CARNS1: variants seen among roughly 807,000 people sequenced by gnomAD.
CARNS1 encodes ATP-grasp domain containing 1.
In CARNS1, 61 loss-of-function variants were observed where a neutral mutation model predicts 74.0. The ratio of observed to expected loss-of-function variants is 0.82; its 90% CI spans 0.67 to 1.02. The LOEUF (loss-of-function observed/expected upper bound fraction) is 1.02. Among genes scored for constraint, CARNS1 ranks in the 50% least tolerant of loss-of-function variants. The pLI is 0.00. For synonymous variants in CARNS1, 568 were observed against 605.5 expected, an observed-to-expected ratio of 0.94 and a Z score of 0.91; for missense variants, 1,278 against 1,308.4, an observed-to-expected ratio of 0.98 and a Z score of 0.36.
chr11:67,423,050 C>T lies in CARNS1; in HGVS notation c.1627-325C>T, dbSNP rs531472188. 2.0e-5 allele frequency among the ~76,000 whole-genome samples: 3 copies of T among 152,316 alleles called. No homozygotes were observed. Among genetic ancestry groups the T allele is most frequent in the African/African-American group, 4.8e-5 (2 of 41,564 alleles). Reference sequence around the variant, plus strand: ...GCTGCCTGTGGGAAAGAGTCCACCACGCTCTCTCACACCCTCTTCTCTGTG... The same window carrying T: ...GCTGCCTGTGGGAAAGAGTCCACCATGCTCTCTCACACCCTCTTCTCTGTG... On this transcript the variant is annotated intron_variant, in intron 9 of 9. Coordinates refer to ENST00000687366, the MANE Select transcript of CARNS1 (RefSeq NM_001166222.2). This position sits in a 1 kb window ranked among gnomAD's most constrained non-coding sequence, Gnocchi z 5.1.
At position 67,423,292 on chromosome 11, in the gene CARNS1, A is replaced by AG. The variant is rs1323730707; in HGVS notation, c.1627-79dup. 5.1e-6 allele frequency: 7 copies of AG among 1,383,336 alleles called. No homozygotes were observed. The highest frequency in any genetic ancestry group is 6.9e-6 in the Non-Finnish European group (7 of 1,010,280). 85.7% of individuals were successfully genotyped at this position (1,383,336 alleles called of 1,614,324 possible). Reference sequence around the variant, plus strand: ...GTGTTTGTGTACTCGTATCCCCTGAAGGGGCCATCCTAGGCCCCATCCTAT... The same window carrying AG: ...GTGTTTGTGTACTCGTATCCCCTGAAGGGGGCCATCCTAGGCCCCATCCTAT... On this transcript the variant is annotated intron_variant, in intron 9 of 9. Transcript: ENST00000687366. This position sits in a 1 kb window ranked among gnomAD's most constrained non-coding sequence, Gnocchi z 5.1.
intron 9 of CARNS1, among the ~76,000 whole-genome samples, chr11:67,422,968 A>T (rs1281292881): frequency 6.6e-6 from 1 of 152,202 alleles, no homozygotes; most frequent in Non-Finnish European, 1.5e-5. Context: ...ATTGTGACCA[A>T]ACCACTTGTC....
At position 67,421,234 on chromosome 11, in the gene CARNS1, G is replaced by C. The variant is rs755581278; in HGVS notation, c.1626+15G>C. ...ACGGGCTCCAGGTGGGCGGGGCGCG[G>C]GGCGGGGCTGGGCCCCAGGTCCTGG... On this transcript the variant is annotated intron_variant, in intron 9 of 9. Coordinates refer to ENST00000687366, the MANE Select transcript of CARNS1 (RefSeq NM_001166222.2). 14 of 1,471,906 alleles carry C rather than the reference G, an allele frequency of 9.5e-6. No homozygotes were observed. The East Asian group carries it at 2.9e-4, about 31-fold the overall frequency. 91.2% of individuals were successfully genotyped at this position (1,471,906 alleles called of 1,614,324 possible).
intron 9 of CARNS1, among the ~76,000 whole-genome samples, chr11:67,422,565 G>A (rs140782283): frequency 3.3e-5 from 5 of 152,176 alleles, no homozygotes; most frequent in East Asian, 1.9e-4. Flanking sequence ...GAGCTCAAGC[G>A]ATCCTCCTGC....
rs1439046786 is a variant in CARNS1, at chr11:67,419,800, G to A, written c.1075G>A (p.Val359Met). 1.2e-6 allele frequency: 2 copies of A among 1,601,162 alleles called. No individual in the cohort carries two copies. The change falls in exon 7 of 10, where the codon GTG becomes ATG. Residue 359 changes from valine to methionine, a missense_variant. This residue lies in a region of CARNS1 where 1,164 missense variants were observed against 1,156.5 expected (regional missense o/e 1.01). Coordinates refer to ENST00000687366, the MANE Select transcript of CARNS1 (RefSeq NM_001166222.2). Reference protein sequence around the residue: ...PGLAVRICAVVCRTQGDRPLL... With the variant: ...PGLAVRICAVMCRTQGDRPLL... ...CCTGGCCGTGCGAATCTGTGCTGTG[G>A]TGTGTCGGACACAGGGTGATAGGCC...
chr11:67,416,705 G>C (rs574114934), intron 2 of CARNS1: 2 of 986,804 alleles, frequency 2.0e-6, no homozygotes, highest in African/African-American at 3.5e-5. Flanking sequence ...GGACTGCAAA[G>C]AACAAGAATT....
At position 67,424,035 on chromosome 11, in the gene CARNS1, AC is replaced by A; in HGVS notation, c.2288del (p.Thr763ArgfsTer41). ...TACGAGGCTGCCTGGCTTCACTGAG[AC>A]GGCGGCCTGCATGCCCACCGGGCTG... ...GPTRLPGFTETAACMPTGLAP... is the reference protein window; with the variant it reads ...GPTRLPGFTEXAACMPTGLAP... On this transcript the variant is annotated frameshift_variant, in exon 10 of 10. Coordinates refer to ENST00000687366, the MANE Select transcript of CARNS1 (RefSeq NM_001166222.2). LOFTEE classifies it high-confidence loss of function. 2 of 1,612,482 alleles carry A rather than the reference AC, an allele frequency of 1.2e-6. No individual in the cohort carries two copies. The highest frequency in any genetic ancestry group is 1.7e-6 in the Non-Finnish European group (2 of 1,179,680).
chr11:67,418,520 G>A lies in CARNS1; in HGVS notation c.364G>A (p.Gly122Arg). Residue 122 changes from glycine (G) to arginine (R), a missense_variant and splice_region_variant, in exon 4 of 10, where the codon GGA becomes AGA. Transcript: ENST00000687366. The stretch of plus-strand genomic sequence containing the variant: ...GCTGGAGGGTGGGGTCCAGAGCCCG[G>A]GTGAGTGTATGCTCAAGTTTCCCCA... ...VLLEGGVQSP[G>R]NMLLCLSPAW... 6.5e-7 allele frequency: 1 copy of A among 1,527,670 alleles called. No individual in the cohort carries two copies. Among genetic ancestry groups the A allele is most frequent in the South Asian group, 1.2e-5 (1 of 83,398 alleles). 94.6% of individuals were successfully genotyped at this position (1,527,670 alleles called of 1,614,324 possible). A position where few individuals can be genotyped will look rare whatever the true frequency, so the allele number is the denominator to read the frequency against.
Position 67,417,240 on chromosome 11 carries a change from A to G in CARNS1, c.4-167A>G, listed in dbSNP as rs578102626. The G allele has an allele frequency of 4.0e-6, 5 of 1,235,720 alleles. No homozygotes were observed. The East Asian group carries it at 1.3e-4, about 31-fold the overall frequency. 76.5% of individuals were successfully genotyped at this position (1,235,720 alleles called of 1,614,324 possible). On this transcript the variant is annotated intron_variant, in intron 2 of 9. Transcript: ENST00000687366. ...AAAGCACTCCCACGGTTGCGTTCCC[A>G]TTAACAAGCCTTCGCCCCCAACACA...
rs774072032 is a variant in CARNS1, at chr11:67,418,753, C to T, written c.365-3C>T. ...GCCAGCCACTTGCCTTCTCTGCCCACAGGAAACATGCTCCTTTGCCTGTCC... is the reference window on the plus strand; with the variant it reads ...GCCAGCCACTTGCCTTCTCTGCCCATAGGAAACATGCTCCTTTGCCTGTCC... On this transcript the variant is annotated splice_region_variant and splice_polypyrimidine_tract_variant and intron_variant, in intron 4 of 9. Transcript: ENST00000687366. The T allele has an allele frequency of 1.8e-5, 29 of 1,580,622 alleles. No individual in the cohort carries two copies. The East Asian group carries it at 5.7e-4, about 31-fold the overall frequency.
Position 67,423,867 on chromosome 11 carries a change from G to A in CARNS1, c.2119G>A (p.Gly707Ser), listed in dbSNP as rs971628012. Reference protein sequence around the residue: ...HFSRITRDLQGEADHPGIGLG... With the variant: ...HFSRITRDLQSEADHPGIGLG... ...TTCCCGGATTACCCGAGACTTGCAG[G>A]GCGAGGCCGACCACCCAGGCATTGG... Residue 707 changes from glycine to serine, a missense_variant, in exon 10 of 10, where the codon GGC becomes AGC. This residue lies in a region of CARNS1 where 1,164 missense variants were observed against 1,156.5 expected (regional missense o/e 1.01). Transcript: ENST00000687366. The surrounding 1 kb of genome is among the most constrained non-coding windows in gnomAD (Gnocchi z 5.1). The A allele has an allele frequency of 5.0e-6, 8 of 1,613,244 alleles. No homozygotes were observed. In the East Asian group the frequency reaches 1.1e-4, roughly 22 times the overall value.
At chr11:67,416,854 ATGT>A (rs1427663525) in intron 2 of CARNS1, 3 of 986,228 alleles carry the variant, frequency 3.0e-6, no homozygotes, top group Non-Finnish European at 3.6e-6. Context: ...TAGCCTCCTA[ATGT>A]TTAGCCCAGG....
chr11:67,416,859 T>C (rs1590956427), intron 2 of CARNS1: 2 of 986,302 alleles, frequency 2.0e-6, no homozygotes, highest in South Asian at 9.4e-5. Flanking sequence ...TCCTAATGTT[T>C]AGCCCAGGGC....
At chr11:67,422,555 G>A (rs1349573690) in intron 9 of CARNS1, among the ~76,000 whole-genome samples, 1 of 151,932 alleles carries the variant, frequency 6.6e-6, no homozygotes, top group Non-Finnish European at 1.5e-5. Flanking sequence ...TTGAACTCCT[G>A]AGCTCAAGCG....
chr11:67,420,701 G>T lies in CARNS1; in HGVS notation c.1206G>T (p.Leu402=). ...AGGTGGCGCTGGCCCAGTGCGGCCT[G>T]GGCGAGGAGGCGCAGGTGGCGGCTG... ...TLEVALAQCG[L]GEEAQVAAVR... The change falls in exon 8 of 10, where the codon CTG becomes CTT. Residue 402 remains leucine (L), a synonymous_variant. Coordinates refer to ENST00000687366, the MANE Select transcript of CARNS1 (RefSeq NM_001166222.2). 1 of 1,267,366 alleles carries T rather than the reference G, an allele frequency of 7.9e-7. No homozygotes were observed. The highest frequency in any genetic ancestry group is 3.1e-5 in the South Asian group (1 of 32,190). The allele number at this position is 1,267,366 out of a possible 1,614,324, so 78.5% of individuals were successfully genotyped here. A position where few individuals can be genotyped will look rare whatever the true frequency, so the allele number is the denominator to read the frequency against.
At chr11:67,422,168 G>A (rs1338895386) in intron 9 of CARNS1, among the ~76,000 whole-genome samples, 4 of 124,512 alleles carry the variant, frequency 3.2e-5, no homozygotes, top group Non-Finnish European at 6.4e-5. Context: ...CACCGCGCCC[G>A]GCCTTTTTTT....
Position 67,424,973 on chromosome 11 carries a change from G to A in CARNS1, c.*372G>A. On this transcript the variant is annotated 3_prime_UTR_variant, in exon 10 of 10. Coordinates refer to ENST00000687366, the MANE Select transcript of CARNS1 (RefSeq NM_001166222.2). ...CCTCTCCAGGTCTCACTCTCTTCCTGCCATCTACAAGAGGAGAGGACCTGG... is the reference window on the plus strand; with the variant it reads ...CCTCTCCAGGTCTCACTCTCTTCCTACCATCTACAAGAGGAGAGGACCTGG... The A allele has an allele frequency of 2.0e-6, 1 of 511,124 alleles. No homozygotes were observed. Among genetic ancestry groups the A allele is most frequent in the Non-Finnish European group, 3.8e-6 (1 of 263,836 alleles). 31.7% of individuals were successfully genotyped at this position (511,124 alleles called of 1,614,324 possible). A position where few individuals can be genotyped will look rare whatever the true frequency, so the allele number is the denominator to read the frequency against.
chr11:67,417,378 C>T (rs920326474), intron 2 of CARNS1, 29 bp from the exon 3 acceptor site: 4 of 1,322,332 alleles, frequency 3.0e-6, no homozygotes, highest in African/African-American at 1.5e-5. Context: ...GCCCACCCTG[C>T]CCAAGACCTA....
intron 1 of CARNS1, 22 bp from the exon 2 acceptor site, chr11:67,416,154 G>T: frequency 7.1e-7 from 1 of 1,407,520 alleles, no homozygotes; most frequent in Non-Finnish European, 9.7e-7. Flanking sequence ...TCGTCTCTCT[G>T]TCCCTCTGTC....
Sources: allele counts gnomAD v4.1 joint callset (sites outside exome capture counted in the v4.1 genomes callset), GRCh38; gene constraint gnomAD v4.1.1; regional missense constraint gnomAD v4.1.1; non-coding constraint Gnocchi (gnomAD v3.1); transcripts MANE v1.5; gene names NCBI Gene and HGNC (gene_info 2026-07-23, HGNC 2026-07-21).